The following PPP1R12B variants were observed in gnomAD, a reference collection of about 807,000 sequenced individuals.
PPP1R12B encodes the protein myosin phosphatase target subunit 2.
PPP1R12B carries 76 observed loss-of-function variants against 126.1 expected under a neutral mutation model. The ratio of observed to expected loss-of-function variants is 0.60; its 90% CI spans 0.50 to 0.73. The LOEUF (loss-of-function observed/expected upper bound fraction) is 0.73, where lower values mean the gene tolerates loss of function less well. PPP1R12B is among the 30% of genes least tolerant of loss of function. The pLI, the probability that PPP1R12B is intolerant of heterozygous loss-of-function variation, is 0.00. For synonymous variants in PPP1R12B, 356 were observed against 434.7 expected, an observed-to-expected ratio of 0.82 and a Z score of 2.25; for missense variants, 1,052 against 1,205.1, an observed-to-expected ratio of 0.87 and a Z score of 1.88.
chr1:202,433,777 C>T (rs1404938302), intron 8 of PPP1R12B, among the ~76,000 whole-genome samples: 1 of 152,200 alleles, frequency 6.6e-6, no homozygotes, highest in African/African-American at 2.4e-5. Flanking sequence ...AAATGGGCCA[C>T]CTCACTGTTC....
intron 1 of PPP1R12B, among the ~76,000 whole-genome samples, chr1:202,376,558 C>T (rs1019503748): frequency 2.0e-5 from 3 of 152,062 alleles, no homozygotes; most frequent in Non-Finnish European, 2.9e-5. Context: ...ATAAAACAAA[C>T]TAAATTTTAA....
At chr1:202,412,803 T>C (rs1227883725) in intron 1 of PPP1R12B, among the ~76,000 whole-genome samples, 3 of 152,224 alleles carry the variant, frequency 2.0e-5, no homozygotes, top group African/African-American at 7.2e-5. Flanking sequence ...TAAAAACGTT[T>C]ATTTACAAAA....
intron 18 of PPP1R12B, among the ~76,000 whole-genome samples, chr1:202,548,808 CTATATATATATATA>C (rs370219273): frequency 1.4e-5 from 1 of 72,970 alleles, no homozygotes; most frequent in African/African-American, 4.8e-5. Context: ...CTCTCTCTCT[CTATATATATATATA>C]TATATATATA....
chr1:202,348,765 CGCTCTGA>C lies in PPP1R12B; in HGVS notation c.-85_-79del. On this transcript the variant is annotated 5_prime_UTR_variant, in exon 1 of 24. Transcript: ENST00000608999. ...CTCCGCCCTCTGCTCCGGGCTGAAGCGCTCTGAGAGAGGCGGCAGCGGCAACTCGAGC... is the reference window on the plus strand; with the variant it reads ...CTCCGCCCTCTGCTCCGGGCTGAAGCGAGAGGCGGCAGCGGCAACTCGAGC... The C allele has an allele frequency of 6.8e-7, 1 of 1,471,910 alleles. No homozygotes were observed. Among genetic ancestry groups the C allele is most frequent in the Non-Finnish European group, 9.0e-7 (1 of 1,106,488 alleles). The allele number at this position is 1,471,910 out of a possible 1,614,324, so 91.2% of individuals were successfully genotyped here. A position where few individuals can be genotyped will look rare whatever the true frequency, so the allele number is the denominator to read the frequency against.
chr1:202,439,796 C>G, intron 10 of PPP1R12B: 1 of 446,528 alleles, frequency 2.2e-6, no homozygotes, highest in Non-Finnish European at 4.2e-6. Context: ...CTTTCCTCCC[C>G]ACTCCCCTTC....
At chr1:202,580,243 A>G (rs1689467690) in intron 23 of PPP1R12B, among the ~76,000 whole-genome samples, 1 of 152,258 alleles carries the variant, frequency 6.6e-6, no homozygotes, top group South Asian at 2.1e-4. Context: ...TTACTGCTAA[A>G]TATGCCAGCT....
At chr1:202,461,400 T>C (rs1044377045) in intron 13 of PPP1R12B, among the ~76,000 whole-genome samples, 2 of 152,176 alleles carry the variant, frequency 1.3e-5, no homozygotes, top group African/African-American at 4.8e-5. Context: ...GAGGATCAAA[T>C]GAGACAGACT....
intron 11 of PPP1R12B, among the ~76,000 whole-genome samples, chr1:202,441,937 G>A (rs185967014): frequency 3.2e-3 from 487 of 151,852 alleles, no homozygotes; most frequent in Non-Finnish European, 5.0e-3. Context: ...GCTCATTGCA[G>A]CCTCTGCCTC....
intron 6 of PPP1R12B, 127 bp from the exon 7 acceptor site, chr1:202,430,603 TC>T: frequency 2.3e-6 from 2 of 857,104 alleles, no homozygotes; most frequent in Non-Finnish European, 1.7e-6. Flanking sequence ...TTTCTCGGGT[TC>T]CCCACTACCT....
At position 202,496,931 on chromosome 1, in the gene PPP1R12B, A is replaced by C. The variant is rs1347943338; in HGVS notation, c.2490+109A>C. 4 of 1,136,962 alleles carry C rather than the reference A, an allele frequency of 3.5e-6. No individual in the cohort carries two copies. The East Asian group carries it at 9.6e-5, about 27-fold the overall frequency. The allele number at this position is 1,136,962 out of a possible 1,614,324, so 70.4% of individuals were successfully genotyped here. On this transcript the variant is annotated intron_variant, in intron 18 of 23. Coordinates refer to ENST00000608999, the MANE Select transcript of PPP1R12B (RefSeq NM_002481.4). ...TTAATGCAGATTTTAGTTGAGAAGG[A>C]GTTTGGAGATAGACATTCCTCTAAG...
chr1:202,386,533 G>A (rs554204059), intron 1 of PPP1R12B, among the ~76,000 whole-genome samples: 2 of 151,216 alleles, frequency 1.3e-5, no homozygotes, highest in Non-Finnish European at 3.0e-5. Context: ...GTGTTTCACC[G>A]GGGTCTCGAT....
chr1:202,373,044 C>T (rs537829471), intron 1 of PPP1R12B, among the ~76,000 whole-genome samples: 26 of 152,110 alleles, frequency 1.7e-4, no homozygotes, highest in African/African-American at 5.8e-4. Context: ...AAGTGATTCT[C>T]ATGCCTCAGC....
intron 1 of PPP1R12B, among the ~76,000 whole-genome samples, chr1:202,383,854 G>A (rs1030756581): frequency 6.6e-6 from 1 of 152,054 alleles, no homozygotes; most frequent in Non-Finnish European, 1.5e-5. Context: ...TTGTTGTGTG[G>A]TAGCCCAGTG....
At chr1:202,510,891 T>C (rs2148893522) in intron 18 of PPP1R12B, among the ~76,000 whole-genome samples, 1 of 146,872 alleles carries the variant, frequency 6.8e-6, no homozygotes, top group African/African-American at 2.5e-5. Context: ...ATTATATATT[T>C]ATACTAATAT....
chr1:202,495,179 C>A (rs1679388532), intron 15 of PPP1R12B, 114 bp from the exon 16 acceptor site: 2 of 767,522 alleles, frequency 2.6e-6, no homozygotes, highest in Non-Finnish European at 3.8e-6. Context: ...CAATATTGAT[C>A]ATCATCTACT....
At chr1:202,398,141 G>C (rs1272041761) in intron 1 of PPP1R12B, among the ~76,000 whole-genome samples, 2 of 152,158 alleles carry the variant, frequency 1.3e-5, no homozygotes, top group Non-Finnish European at 2.9e-5. Context: ...AAATTTGGCA[G>C]ATTCTCATAG....
intron 1 of PPP1R12B, among the ~76,000 whole-genome samples, chr1:202,361,465 C>G (rs1238939921): frequency 1.3e-5 from 2 of 152,094 alleles, no homozygotes; most frequent in African/African-American, 4.8e-5. Context: ...ATCAGATCTC[C>G]TGTGAAGAGA....
chr1:202,534,932 G>T (rs1209263000), intron 18 of PPP1R12B, among the ~76,000 whole-genome samples: 4 of 151,940 alleles, frequency 2.6e-5, no homozygotes, highest in Admixed American at 2.6e-4. Flanking sequence ...TTTTCATTTG[G>T]ATTCTTACAT....
intron 1 of PPP1R12B, among the ~76,000 whole-genome samples, chr1:202,386,555 G>A (rs1244881607): frequency 1.3e-5 from 2 of 151,738 alleles, no homozygotes; most frequent in African/African-American, 2.4e-5. Context: ...TCCTGACCTC[G>A]TGATCCACCT....
Sources: gnomAD v4.1 joint callset for allele counts (sites outside exome capture counted in the v4.1 genomes callset) on GRCh38, gnomAD v4.1.1 for gene constraint, MANE v1.5 for transcripts, NCBI Gene and HGNC (gene_info 2026-07-23, HGNC 2026-07-21) for gene names.